M1AP: variants seen among roughly 807,000 people sequenced by gnomAD.
The protein encoded by M1AP is meiosis 1 arrest protein.
Under a neutral mutation model 51.2 loss-of-function variants are expected in M1AP, and 39 were observed. That is an observed-to-expected ratio of 0.76 (90% CI 0.59 to 1.00). M1AP has a LOEUF of 1.00. Among genes scored for constraint, M1AP ranks in the 50% least tolerant of loss-of-function variants. The pLI, the probability that M1AP is intolerant of heterozygous loss-of-function variation, is 0.00. For missense variants in M1AP, 545 were observed against 641.2 expected (o/e 0.85, Z 1.62); for synonymous variants, 251 against 249.2 (o/e 1.01, Z -0.07).
intron 4 of M1AP, among the ~76,000 whole-genome samples, chr2:74,582,903 T>C (rs1388500020): frequency 1.3e-5 from 2 of 151,820 alleles, no homozygotes; most frequent in Admixed American, 6.6e-5. Context: ...CACCTGTAAT[T>C]CCAGCTACGT....
intron 2 of M1AP, among the ~76,000 whole-genome samples, chr2:74,630,949 C>T (rs767650191): frequency 2.6e-5 from 4 of 152,194 alleles, no homozygotes; most frequent in Non-Finnish European, 2.9e-5. Flanking sequence ...TGCCATTGTG[C>T]CATTCTTAGT....
chr2:74,630,019 C>CA lies in M1AP; in HGVS notation c.240+10016dup, dbSNP rs200387418. Among the ~76,000 whole-genome samples, 1,191 of 151,430 alleles carry CA rather than the reference C, an allele frequency of 7.9e-3. 21 individuals are homozygous for CA. The highest frequency in any genetic ancestry group is 0.027 in the African/African-American group (1,131 of 41,216). Reference sequence around the variant, plus strand: ...GCAGTGGCATAATCATGACTTACTGCAACTTCAACCTCTGGGGCTCAGGTG... The same window carrying CA: ...GCAGTGGCATAATCATGACTTACTGCAAACTTCAACCTCTGGGGCTCAGGTG... On this transcript the variant is annotated intron_variant, in intron 2 of 10. Coordinates refer to ENST00000421985, the MANE Select transcript of M1AP (RefSeq NM_001321739.2).
At chr2:74,561,238 G>GAGGAGGAGA (rs1558644006) in intron 8 of M1AP, among the ~76,000 whole-genome samples, 4 of 146,130 alleles carry the variant, frequency 2.7e-5, no homozygotes, top group African/African-American at 7.6e-5. Flanking sequence ...GGAGAAGGAG[G>GAGGAGGAGA]AGGAGGAGGA....
intron 4 of M1AP, among the ~76,000 whole-genome samples, chr2:74,594,541 T>A (rs1181863465): frequency 2.6e-5 from 4 of 151,814 alleles, no homozygotes; most frequent in Non-Finnish European, 4.4e-5. Context: ...AAAAAATATT[T>A]AAAAAAAATG....
chr2:74,566,381 C>A (rs147636041), intron 7 of M1AP, among the ~76,000 whole-genome samples: 1 of 151,830 alleles, frequency 6.6e-6, no homozygotes, highest in Non-Finnish European at 1.5e-5. Context: ...GGCTTCATAC[C>A]GAAATTATTT....
At chr2:74,621,152 G>A (rs1203817481) in intron 2 of M1AP, among the ~76,000 whole-genome samples, 1 of 151,740 alleles carries the variant, frequency 6.6e-6, no homozygotes, top group Non-Finnish European at 1.5e-5. Context: ...CGTAGTGGCG[G>A]GCGCCTGTAG....
At chr2:74,561,082 GAGGAGGAGAAGGAGA>G (rs1558643513) in intron 8 of M1AP, among the ~76,000 whole-genome samples, 37 of 72,308 alleles carry the variant, frequency 5.1e-4, no homozygotes, top group South Asian at 8.6e-4. Context: ...GGAGGAGGAG[GAGGAGGAGAAGGAGA>G]AGGAGGAGGA....
At chr2:74,580,290 A>G (rs756556561) in intron 5 of M1AP, among the ~76,000 whole-genome samples, 3 of 152,376 alleles carry the variant, frequency 2.0e-5, no homozygotes, top group Non-Finnish European at 2.9e-5. Flanking sequence ...GCTATACACT[A>G]GCTTCTATAT....
chr2:74,584,936 G>A (rs114872542), intron 4 of M1AP, among the ~76,000 whole-genome samples: 3,005 of 151,530 alleles, frequency 0.02, 106 homozygotes, highest in African/African-American at 0.069. Context: ...TTCACCTCCT[G>A]GGCTCAAGTG....
chr2:74,561,846 C>G, intron 8 of M1AP: 4 of 979,220 alleles, frequency 4.1e-6, no homozygotes, highest in Non-Finnish European at 4.9e-6. Flanking sequence ...GGTTTCCACT[C>G]TGTGATGCTC....
At position 74,619,875 on chromosome 2, in the gene M1AP, T is replaced by C. The variant is rs1423357243; in HGVS notation, c.241-4726A>G. ...GTGACATCTCATGAAAAGCATTTAT[T>C]CTGATACATTCTTGGAACAAAAAGA... On this transcript the variant is annotated intron_variant, in intron 2 of 10. Transcript: ENST00000421985. Among the ~76,000 whole-genome samples, 3 of 152,320 alleles carry C rather than the reference T, an allele frequency of 2.0e-5. No individual in the cohort carries two copies. In the East Asian group the frequency reaches 5.8e-4, roughly 29 times the overall value.
intron 7 of M1AP, among the ~76,000 whole-genome samples, chr2:74,564,295 G>A (rs558877968): frequency 3.3e-5 from 5 of 152,250 alleles, no homozygotes; most frequent in Non-Finnish European, 7.4e-5. Context: ...TGTGCAGTGC[G>A]GAGCTCTGAG....
Position 74,560,235 on chromosome 2 carries a change from G to A in M1AP, c.1338C>T (p.Ser446=), listed in dbSNP as rs766843283. Reference sequence around the variant, plus strand: ...TGCTGCTCAGGTGTGAGTACAGGTGGCTTTGAACATGCAAGGGGTTGTAGG... The same window carrying A: ...TGCTGCTCAGGTGTGAGTACAGGTGACTTTGAACATGCAAGGGGTTGTAGG... The part of the protein sequence containing the change: ...EPTYNPLHVQ[S]HLYSHLSSIY... Residue 446 remains serine (S), a synonymous_variant, in exon 9 of 11, where the codon AGC becomes AGT. Coordinates refer to ENST00000421985, the MANE Select transcript of M1AP (RefSeq NM_001321739.2). 1 of 1,613,808 alleles carries A rather than the reference G, an allele frequency of 6.2e-7. No individual in the cohort carries two copies. The highest frequency in any genetic ancestry group is 8.5e-7 in the Non-Finnish European group (1 of 1,179,886).
intron 1 of M1AP, 143 bp downstream of exon 1, chr2:74,648,122 C>T (rs1683712385): frequency 1.0e-6 from 1 of 981,176 alleles, no homozygotes; most frequent in African/African-American, 1.7e-5. Context: ...CGGCGTCAGT[C>T]TTGCGCCGGC....
chr2:74,624,137 A>T (rs1044151404), intron 2 of M1AP, among the ~76,000 whole-genome samples: 5 of 152,248 alleles, frequency 3.3e-5, no homozygotes, highest in African/African-American at 1.2e-4. Context: ...TCACAAAGGC[A>T]TAAGCAGGCT....
intron 2 of M1AP, among the ~76,000 whole-genome samples, chr2:74,631,239 T>C (rs969692135): frequency 1.3e-5 from 2 of 152,202 alleles, no homozygotes; most frequent in Non-Finnish European, 2.9e-5. Context: ...GAAAATCACT[T>C]TACTGTATAT....
At chr2:74,562,126 C>T (rs1276204637) in intron 8 of M1AP, 91 bp downstream of exon 8, 9 of 1,507,326 alleles carry the variant, frequency 6.0e-6, no homozygotes, top group Non-Finnish European at 8.0e-6. Context: ...GCTCCGCATC[C>T]ATTCCCTCAT....
intron 4 of M1AP, among the ~76,000 whole-genome samples, chr2:74,584,897 C>T (rs924385160): frequency 6.7e-6 from 1 of 150,216 alleles, no homozygotes; most frequent in Non-Finnish European, 1.5e-5. Context: ...TGTTGGAGTG[C>T]AGTGGTGTGA....
rs184192238 is a variant in M1AP at position 74,568,177 on chromosome 2, G to A, written c.1075-5754C>T. 6.0e-4 allele frequency among the ~76,000 whole-genome samples: 92 copies of A among 152,318 alleles called. 1 individual carries two copies. Among genetic ancestry groups the A allele is most frequent in the Non-Finnish European group, 9.6e-4 (65 of 68,018 alleles). ...CTGAAAATGAAAACATGGTGAAGCCGGCCAACTGGCTAAGGGGAACTTAGA... is the reference window on the plus strand; with the variant it reads ...CTGAAAATGAAAACATGGTGAAGCCAGCCAACTGGCTAAGGGGAACTTAGA... On this transcript the variant is annotated intron_variant, in intron 7 of 10. Coordinates refer to ENST00000421985, the MANE Select transcript of M1AP (RefSeq NM_001321739.2).
Sources: allele counts gnomAD v4.1 joint callset (sites outside exome capture counted in the v4.1 genomes callset), GRCh38; gene constraint gnomAD v4.1.1; transcripts MANE v1.5; gene names NCBI Gene and HGNC (gene_info 2026-07-23, HGNC 2026-07-21).